Variants in MDGA2 observed in about 807,000 individuals in gnomAD.
MDGA2 encodes MAM domain containing glycosylphosphatidylinositol anchor 2.
In MDGA2, 40 loss-of-function variants were observed where a neutral mutation model predicts 117.8. The ratio of observed to expected loss-of-function variants is 0.34; its 90% confidence interval spans 0.26 to 0.44. The LOEUF (loss-of-function observed/expected upper bound fraction) is 0.44. Ranked by LOEUF, MDGA2 falls within the 20% of genes least tolerant of loss-of-function variation. The pLI is 1.00. For synonymous variants in MDGA2, 452 were observed against 439.0 expected (o/e 1.03, Z -0.37); for missense variants, 1,123 against 1,250.6 (o/e 0.90, Z 1.54).
rs1030243828 is a variant in MDGA2, at chr14:47,159,844, T to C, written c.596-15570A>G. Among the ~76,000 whole-genome samples, 19 of 152,310 alleles carry C rather than the reference T, an allele frequency of 1.2e-4. No individual in the cohort carries two copies. The East Asian group carries it at 2.1e-3, about 17-fold the overall frequency. On this transcript the variant is annotated intron_variant, in intron 3 of 16. Coordinates refer to ENST00000399232, the MANE Select transcript of MDGA2 (RefSeq NM_001113498.3). ...AAATTTAAAAAATCTTTGTATATTA[T>C]GGAGAATCTTTTGGTTATTTTTCTA...
At chr14:46,871,969 T>C in intron 14 of MDGA2, 1 of 259,264 alleles carries the variant, frequency 3.9e-6, no homozygotes, top group Non-Finnish European at 8.0e-6. Flanking sequence ...GCCTGTCTCA[T>C]AAAAAATAAA....
chr14:47,092,375 A>C (rs1566619033), intron 6 of MDGA2, among the ~76,000 whole-genome samples: 1 of 152,154 alleles, frequency 6.6e-6, no homozygotes, highest in Non-Finnish European at 1.5e-5. Context: ...ATTCCATAGT[A>C]AGTGCAAAAC....
At chr14:47,375,950 T>C (rs1891469042) in intron 1 of MDGA2, among the ~76,000 whole-genome samples, 1 of 152,152 alleles carries the variant, frequency 6.6e-6, no homozygotes, top group Non-Finnish European at 1.5e-5. Flanking sequence ...TGCTCTTATT[T>C]AGTTTCCACC....
At chr14:46,864,543 CTGTTTTTT>C (rs1380825189) in intron 14 of MDGA2, among the ~76,000 whole-genome samples, 23 of 17,208 alleles carry the variant, frequency 1.3e-3, no homozygotes, top group African/African-American at 4.4e-3. Flanking sequence ...GCAGATATTG[CTGTTTTTT>C]TTTTTTTTTT....
At chr14:47,414,460 G>C (rs188560639) in intron 1 of MDGA2, among the ~76,000 whole-genome samples, 32 of 152,158 alleles carry the variant, frequency 2.1e-4, no homozygotes, top group African/African-American at 7.2e-4. Flanking sequence ...ACTATTAATG[G>C]AAAGAATAAT....
chr14:47,037,936 T>C (rs1016580945), intron 7 of MDGA2, among the ~76,000 whole-genome samples: 4 of 152,138 alleles, frequency 2.6e-5, no homozygotes, highest in Non-Finnish European at 1.5e-5. Flanking sequence ...CTTTTGTTGA[T>C]GTTGTTGTTT....
At chr14:47,388,534 C>G (rs983685265) in intron 1 of MDGA2, among the ~76,000 whole-genome samples, 12 of 152,132 alleles carry the variant, frequency 7.9e-5, no homozygotes, top group Admixed American at 7.9e-4. Context: ...ATCAGTTCAT[C>G]TATCTTAACT....
chr14:47,239,907 T>A (rs1886983883), intron 2 of MDGA2, among the ~76,000 whole-genome samples: 1 of 151,806 alleles, frequency 6.6e-6, no homozygotes, highest in African/African-American at 2.4e-5. Context: ...AGTAGCAATC[T>A]TTTTCTCTAT....
intron 1 of MDGA2, among the ~76,000 whole-genome samples, chr14:47,427,110 G>T (rs1892707287): frequency 6.6e-6 from 1 of 152,010 alleles, no homozygotes; most frequent in Admixed American, 6.6e-5. Flanking sequence ...GTCTAAACAG[G>T]TATAAACTTC....
Position 47,652,139 on chromosome 14 carries a change from G to A in MDGA2, c.280+22378C>T, listed in dbSNP as rs530634500. Among the ~76,000 whole-genome samples, 9 of 152,296 alleles carry A rather than the reference G, an allele frequency of 5.9e-5. No homozygotes were observed. In the East Asian group the frequency reaches 1.5e-3, roughly 26 times the overall value. ...AGAAATATAAGGATCTTGATTACTC[G>A]TGATTGAGGAGAACAGGAAGAACTA... On this transcript the variant is annotated intron_variant, in intron 1 of 16. Transcript: ENST00000399232.
chr14:47,339,827 T>A (rs2139941374), intron 1 of MDGA2, among the ~76,000 whole-genome samples: 1 of 152,304 alleles, frequency 6.6e-6, no homozygotes, highest in East Asian at 1.9e-4. Context: ...TTAAAAATTT[T>A]ATAACAGAAA....
chr14:47,612,209 CAGATAGATAGATAGATAGAT>C (rs3985115), intron 1 of MDGA2, among the ~76,000 whole-genome samples: 2 of 145,812 alleles, frequency 1.4e-5, no homozygotes, highest in African/African-American at 5.1e-5. Context: ...GATAGATAGA[CAGATAGATAGATAGATAGAT>C]AGATAGATAG....
chr14:47,131,748 A>T lies in MDGA2; in HGVS notation c.891T>A (p.Asp297Glu), dbSNP rs201249340. Residue 297 changes from aspartate to glutamate, a missense_variant, in exon 5 of 17, where the codon GAT becomes GAA. By Grantham distance (45) the Asp-to-Glu change is conservative (BLOSUM62 2). Around this residue, in one of 2 missense-constraint regions of MDGA2, gnomAD observed 890 missense variants for 1,050.3 expected, o/e 0.85. Coordinates refer to ENST00000399232, the MANE Select transcript of MDGA2 (RefSeq NM_001113498.3). Reference protein sequence around the residue: ...ASVRNVCNIPDKMVSFRLSNK... With the variant: ...ASVRNVCNIPEKMVSFRLSNK... ...TGGACAGTCTAAACGACACCATCTT[A>T]TCAGGAATATTACATACATTCCTCA... is the stretch of plus-strand genomic sequence containing the variant. The T allele has an allele frequency of 9.9e-4, 1,563 of 1,580,680 alleles. 1 individual carries two copies. The highest frequency in any genetic ancestry group is 1.6e-3 in the Admixed American group (94 of 59,778).
chr14:47,582,926 C>T (rs1594929076), intron 1 of MDGA2, among the ~76,000 whole-genome samples: 3 of 151,978 alleles, frequency 2.0e-5, no homozygotes, highest in South Asian at 4.1e-4. Flanking sequence ...TTCTAATTAC[C>T]GCAAGTGAGC....
intron 3 of MDGA2, among the ~76,000 whole-genome samples, chr14:47,193,453 C>T (rs995519776): frequency 6.6e-6 from 1 of 151,626 alleles, no homozygotes; most frequent in African/African-American, 2.4e-5. Flanking sequence ...TGTAATACTT[C>T]CTTATTATTC....
intron 9 of MDGA2, among the ~76,000 whole-genome samples, chr14:46,929,177 T>C (rs565253942): frequency 6.6e-6 from 1 of 152,278 alleles, no homozygotes; most frequent in East Asian, 1.9e-4. Flanking sequence ...TTCTTAGGCT[T>C]GACCTGTCTG....
intron 1 of MDGA2, among the ~76,000 whole-genome samples, chr14:47,370,065 CT>C (rs1262563540): frequency 6.6e-6 from 1 of 151,848 alleles, no homozygotes; most frequent in Non-Finnish European, 1.5e-5. Context: ...AAGACATATT[CT>C]TTTTTCGTTT....
intron 14 of MDGA2, among the ~76,000 whole-genome samples, chr14:46,864,185 T>A (rs1271001657): frequency 1.3e-5 from 2 of 148,666 alleles, no homozygotes; most frequent in African/African-American, 5.0e-5. Context: ...GACAGAAAAG[T>A]TTTGGAATGG....
chr14:47,053,459 T>C (rs1011442302), intron 7 of MDGA2, among the ~76,000 whole-genome samples: 15 of 151,570 alleles, frequency 9.9e-5, no homozygotes, highest in Non-Finnish European at 4.4e-5. Context: ...ACATCCTTTA[T>C]GTGACATTAC....
Sources: allele counts gnomAD v4.1 joint callset (sites outside exome capture counted in the v4.1 genomes callset), GRCh38; gene constraint gnomAD v4.1.1; regional missense constraint gnomAD v4.1.1; transcripts MANE v1.5; gene names NCBI Gene and HGNC (gene_info 2026-07-23, HGNC 2026-07-21).